The following KIF26B variants were observed in gnomAD, a reference collection of about 807,000 sequenced individuals.
KIF26B encodes kinesin family member 26B, also known as kinesin-like protein KIF26B.
In KIF26B, 63 loss-of-function variants were observed where a neutral mutation model predicts 151.2. The observed-to-expected ratio is 0.42, with a 90% CI of 0.34 to 0.51. The LOEUF is 0.51. KIF26B is among the 20% of genes least tolerant of loss of function. The pLI is 0.07. For missense variants in KIF26B, 2,813 were observed against 2,913.6 expected (o/e 0.97, Z 0.79); for synonymous variants, 1,357 against 1,262.1 (o/e 1.08, Z -1.59).
At chr1:245,263,778 C>G (rs1024134963) in intron 2 of KIF26B, among the ~76,000 whole-genome samples, 5 of 152,132 alleles carry the variant, frequency 3.3e-5, no homozygotes, top group African/African-American at 1.2e-4. Flanking sequence ...GTGGCTGATT[C>G]CAAAAAATGC....
At chr1:245,405,624 G>GGT (rs1553271500) in intron 3 of KIF26B, among the ~76,000 whole-genome samples, 34 of 144,824 alleles carry the variant, frequency 2.3e-4, no homozygotes, top group African/African-American at 8.6e-4. Flanking sequence ...TATTGATGTT[G>GGT]TTTTTTTTTT....
chr1:245,334,730 G>A (rs542605784), intron 2 of KIF26B, among the ~76,000 whole-genome samples: 49 of 152,216 alleles, frequency 3.2e-4, no homozygotes, highest in Non-Finnish European at 5.6e-4. Flanking sequence ...CTTAGAGTGT[G>A]TGTCTATTTT....
intron 10 of KIF26B, among the ~76,000 whole-genome samples, chr1:245,662,807 C>G (rs190519458): frequency 3.1e-5 from 1 of 32,416 alleles, no homozygotes; most frequent in Admixed American, 3.3e-4. Flanking sequence ...GATCTCCTCA[C>G]TCTGTCTGCT....
chr1:245,408,228 T>C (rs570523577), intron 3 of KIF26B, among the ~76,000 whole-genome samples: 18 of 152,288 alleles, frequency 1.2e-4, no homozygotes, highest in African/African-American at 4.1e-4. Flanking sequence ...ATTCAGACCA[T>C]TTGATTTTAT....
chr1:245,526,238 T>C (rs571329567), intron 4 of KIF26B, among the ~76,000 whole-genome samples: 82 of 152,330 alleles, frequency 5.4e-4, no homozygotes, highest in Admixed American at 1.9e-3. Flanking sequence ...CCATGGTTTT[T>C]AGCAATCTGC....
chr1:245,278,841 C>T (rs528350662), intron 2 of KIF26B, among the ~76,000 whole-genome samples: 1 of 152,256 alleles, frequency 6.6e-6, no homozygotes, highest in South Asian at 2.1e-4. Flanking sequence ...TGTTTTCTGG[C>T]CTATGAAATG....
chr1:245,574,681 G>A (rs1467983457), intron 5 of KIF26B, among the ~76,000 whole-genome samples: 2 of 152,104 alleles, frequency 1.3e-5, no homozygotes, highest in African/African-American at 2.4e-5. Context: ...GGTTGCAAAG[G>A]CCAGGCAAGG....
At chr1:245,646,590 G>T (rs1197718576) in intron 10 of KIF26B, among the ~76,000 whole-genome samples, 1 of 152,196 alleles carries the variant, frequency 6.6e-6, no homozygotes, top group African/African-American at 2.4e-5. Context: ...TAATAAAGAT[G>T]TGCCTGTTTC....
chr1:245,684,987 C>T (rs368148858), intron 11 of KIF26B, among the ~76,000 whole-genome samples: 2 of 152,248 alleles, frequency 1.3e-5, no homozygotes, highest in Admixed American at 6.5e-5. Flanking sequence ...CCATCATGAT[C>T]GTGGCCACTC....
Position 245,687,971 on chromosome 1 carries a change from C to A in KIF26B, c.4988C>A (p.Ala1663Asp). The change falls in exon 12 of 15, where the codon GCC becomes GAC. Residue 1663 changes from alanine (A) to aspartate (D), a missense_variant. Ala to Asp is a moderately radical substitution (Grantham distance 126). Transcript: ENST00000407071. The surrounding 1 kb of genome is among the most constrained non-coding windows in gnomAD (Gnocchi z 4.9). ...KLFSAKLEQL[A>D]SRSNSLGRAT... ...TTCAGTGCCAAGCTGGAGCAGCTGGCCAGCAGAAGCAACTCGCTGGGCAGG... is the reference window on the plus strand; with the variant it reads ...TTCAGTGCCAAGCTGGAGCAGCTGGACAGCAGAAGCAACTCGCTGGGCAGG... The A allele has an allele frequency of 6.3e-7, 1 of 1,583,696 alleles. No individual in the cohort carries two copies. Among genetic ancestry groups the A allele is most frequent in the Non-Finnish European group, 8.6e-7 (1 of 1,166,830 alleles).
In KIF26B at chr1:245,688,522, C is replaced by G; in HGVS notation, c.5539C>G (p.Leu1847Val). 1.3e-6 allele frequency: 2 copies of G among 1,523,988 alleles called. No homozygotes were observed. Among genetic ancestry groups the G allele is most frequent in the South Asian group, 1.2e-5 (1 of 82,548 alleles). 94.4% of individuals were successfully genotyped at this position (1,523,988 alleles called of 1,614,324 possible). A position where few individuals can be genotyped will look rare whatever the true frequency, so the allele number is the denominator to read the frequency against. ...GGACGAGCCCGCGGCCGCGCACCTG[C>G]TCCCGTCGCCCTACAGCAAGATCAC... ...AEDEPAAAHLLPSPYSKITPP... is the reference protein window; with the variant it reads ...AEDEPAAAHLVPSPYSKITPP... The change falls in exon 12 of 15, where the codon CTC becomes GTC. Residue 1847 changes from leucine to valine, a missense_variant. Leu to Val is a conservative substitution (Grantham distance 32). Around this residue, in one of 3 missense-constraint regions of KIF26B, gnomAD observed 2,060 missense variants for 2,088.6 expected, o/e 0.99. Transcript: ENST00000407071.
chr1:245,343,078 TC>T, intron 2 of KIF26B, among the ~76,000 whole-genome samples: 1 of 79,450 alleles, frequency 1.3e-5, no homozygotes, highest in Middle Eastern at 6.4e-3. Flanking sequence ...AGAGCGAGAC[TC>T]CATCTCAAAA....
At chr1:245,526,612 C>A (rs1389305680) in intron 4 of KIF26B, among the ~76,000 whole-genome samples, 1 of 152,200 alleles carries the variant, frequency 6.6e-6, no homozygotes, top group Non-Finnish European at 1.5e-5. Context: ...ATTTAATTAA[C>A]CAAGACGCCC....
intron 2 of KIF26B, among the ~76,000 whole-genome samples, chr1:245,186,656 C>A (rs1669005717): frequency 6.6e-6 from 1 of 152,176 alleles, no homozygotes; most frequent in Non-Finnish European, 1.5e-5. Flanking sequence ...TTACGTATCT[C>A]TAACTTGGCC....
chr1:245,249,613 G>T (rs1349326518), intron 2 of KIF26B, among the ~76,000 whole-genome samples: 4 of 149,998 alleles, frequency 2.7e-5, no homozygotes, highest in African/African-American at 4.9e-5. Context: ...CTCCCTAGTA[G>T]CTGGGACTAC....
intron 2 of KIF26B, among the ~76,000 whole-genome samples, chr1:245,202,750 A>C (rs1573705475): frequency 3.3e-5 from 3 of 91,090 alleles, no homozygotes; most frequent in African/African-American, 9.5e-5. Flanking sequence ...ACAGAGCGAG[A>C]CTCCATCTCA....
chr1:245,605,599 C>A (rs1020201382), intron 6 of KIF26B, among the ~76,000 whole-genome samples: 2 of 152,178 alleles, frequency 1.3e-5, no homozygotes, highest in Admixed American at 6.5e-5. Context: ...TGGGACACAC[C>A]CCTGCTGGAG....
At position 245,345,249 on chromosome 1, in the gene KIF26B, G is replaced by A. The variant is rs576806848; in HGVS notation, c.466-21585G>A. Among the ~76,000 whole-genome samples, 7 of 152,226 alleles carry A rather than the reference G, an allele frequency of 4.6e-5. No homozygotes were observed. In the East Asian group the frequency reaches 7.7e-4, roughly 17 times the overall value. On this transcript the variant is annotated intron_variant, in intron 2 of 14. Coordinates refer to ENST00000407071, the MANE Select transcript of KIF26B (RefSeq NM_018012.4). Reference sequence around the variant, plus strand: ...CCCCACCCCTGCCCTACCCGCAGCTGGAGTGAAGGTGGCGCCCCAGAGGCC... The same window carrying A: ...CCCCACCCCTGCCCTACCCGCAGCTAGAGTGAAGGTGGCGCCCCAGAGGCC...
In KIF26B at chr1:245,177,665, G is replaced by GGTGTGTGT. The variant is rs111597803; in HGVS notation, c.465+21005_465+21012dup. 1.8e-4 allele frequency among the ~76,000 whole-genome samples: 27 copies of GGTGTGTGT among 149,172 alleles called. No homozygotes were observed. In the East Asian group the frequency reaches 4.7e-3, roughly 26 times the overall value. ...GGTTTTGATTTTACTTGTCCTTAGGGGTGTGTGTGTGTGTGTGTGTGTGTG... is the reference window on the plus strand; with the variant it reads ...GGTTTTGATTTTACTTGTCCTTAGGGGTGTGTGTGTGTGTGTGTGTGTGTGTGTGTGTG... On this transcript the variant is annotated intron_variant, in intron 2 of 14. Coordinates refer to ENST00000407071, the MANE Select transcript of KIF26B (RefSeq NM_018012.4).
Sources: allele counts gnomAD v4.1 joint callset (sites outside exome capture counted in the v4.1 genomes callset), GRCh38; gene constraint gnomAD v4.1.1; regional missense constraint gnomAD v4.1.1; non-coding constraint Gnocchi (gnomAD v3.1); transcripts MANE v1.5; gene names NCBI Gene and HGNC (gene_info 2026-07-23, HGNC 2026-07-21).